ST8SIA6: variants seen among roughly 807,000 people sequenced by gnomAD.
ST8SIA6 encodes the protein alpha-2,8-sialyltransferase 8F.
Under a neutral mutation model 33.6 loss-of-function variants are expected in ST8SIA6, and 39 were observed. That is an observed-to-expected ratio of 1.16 (90% CI 0.90 to 1.52). ST8SIA6 has a LOEUF of 1.52. Among genes scored for constraint, ST8SIA6 ranks in the 40% most tolerant of loss-of-function variants. ST8SIA6 has a pLI of 0.00. For missense variants in ST8SIA6, 441 were observed against 443.8 expected (o/e 0.99, Z 0.06); for synonymous variants, 172 against 167.2 (o/e 1.03, Z -0.22).
At chr10:17,405,081 G>A (rs2131684843) in intron 2 of ST8SIA6, among the ~76,000 whole-genome samples, 1 of 152,302 alleles carries the variant, frequency 6.6e-6, no homozygotes, top group South Asian at 2.1e-4. Flanking sequence ...CTATTCTGTG[G>A]ATTCTCCTTT....
intron 2 of ST8SIA6, among the ~76,000 whole-genome samples, chr10:17,411,924 T>C (rs1225708877): frequency 1.5e-5 from 1 of 68,588 alleles, no homozygotes; most frequent in East Asian, 1.6e-3. Context: ...TAAGGAATGT[T>C]TTTTTTTTTC....
chr10:17,387,559 G>A (rs995186583), intron 3 of ST8SIA6, among the ~76,000 whole-genome samples: 2 of 151,750 alleles, frequency 1.3e-5, no homozygotes, highest in Admixed American at 6.6e-5. Context: ...GAGCCACCGC[G>A]CCGGGCCCAG....
At chr10:17,346,942 A>C (rs2131603396) in intron 4 of ST8SIA6, among the ~76,000 whole-genome samples, 1 of 152,308 alleles carries the variant, frequency 6.6e-6, no homozygotes, top group East Asian at 1.9e-4. Flanking sequence ...CACATCTAAA[A>C]TCTGTAGGGT....
intron 2 of ST8SIA6, among the ~76,000 whole-genome samples, chr10:17,447,107 G>A (rs959775196): frequency 6.6e-6 from 1 of 151,408 alleles, no homozygotes; most frequent in African/African-American, 2.4e-5. Context: ...AATAAGAATT[G>A]TGGCCGGGAG....
chr10:17,347,966 A>AAG (rs1472493353), intron 4 of ST8SIA6, among the ~76,000 whole-genome samples: 2 of 151,378 alleles, frequency 1.3e-5, no homozygotes, highest in Admixed American at 6.6e-5. Flanking sequence ...AAAAAAAAAA[A>AAG]AAAAAAAAAT....
chr10:17,432,348 C>T (rs1852126791), intron 2 of ST8SIA6, among the ~76,000 whole-genome samples: 1 of 152,106 alleles, frequency 6.6e-6, no homozygotes, highest in African/African-American at 2.4e-5. Context: ...AGAATAGATT[C>T]TGGAAGGGGA....
intron 3 of ST8SIA6, among the ~76,000 whole-genome samples, chr10:17,360,972 G>T (rs1305278154): frequency 3.3e-5 from 5 of 151,700 alleles, no homozygotes; most frequent in Non-Finnish European, 7.4e-5. Context: ...AGGAGAAGAA[G>T]AAGGAGAAGA....
At chr10:17,333,723 T>A (rs1271403424) in intron 4 of ST8SIA6, among the ~76,000 whole-genome samples, 109 of 79,096 alleles carry the variant, frequency 1.4e-3, no homozygotes, top group South Asian at 2.1e-3. Context: ...ATATATTTTT[T>A]TTTTTTTTTT....
chr10:17,343,994 C>T (rs954410176), intron 4 of ST8SIA6, among the ~76,000 whole-genome samples: 4 of 152,070 alleles, frequency 2.6e-5, no homozygotes, highest in African/African-American at 9.6e-5. Flanking sequence ...TGTTGTTGTC[C>T]CCATTTTTCA....
Position 17,397,549 on chromosome 10 carries a change from G to T in ST8SIA6, c.201-6929C>A, listed in dbSNP as rs748479266. ...CGCGCCTGGCCTCCTGTGCACATTTGATCACATCATTTCCCTGCTCAAAGA... is the reference window on the plus strand; with the variant it reads ...CGCGCCTGGCCTCCTGTGCACATTTTATCACATCATTTCCCTGCTCAAAGA... On this transcript the variant is annotated intron_variant, in intron 2 of 7. Transcript: ENST00000377602. 5.3e-5 allele frequency among the ~76,000 whole-genome samples: 8 copies of T among 152,142 alleles called. No homozygotes were observed. The South Asian group carries it at 6.2e-4, about 12-fold the overall frequency.
At position 17,418,503 on chromosome 10, in the gene ST8SIA6, C is replaced by CT. The variant is rs562920266; in HGVS notation, c.201-27884dup. Among the ~76,000 whole-genome samples the CT allele has an allele frequency of 5.6e-3, 852 of 152,250 alleles. 6 individuals carry two copies. Among genetic ancestry groups the CT allele is most frequent in the Non-Finnish European group, 7.1e-3 (483 of 68,024 alleles). ...ACATACATATGAGAAAACTGAAGCT[C>CT]TGAGTGTTCATAGGACATGACCACT... is the stretch of plus-strand genomic sequence containing the variant. On this transcript the variant is annotated intron_variant, in intron 2 of 7. Coordinates refer to ENST00000377602, the MANE Select transcript of ST8SIA6 (RefSeq NM_001004470.3).
At chr10:17,410,228 G>T (rs1054089713) in intron 2 of ST8SIA6, 14 of 152,128 alleles carry the variant, frequency 9.2e-5, no homozygotes, top group Non-Finnish European at 2.9e-5. Context: ...CCAAACATTT[G>T]CATGCACCTT....
intron 4 of ST8SIA6, among the ~76,000 whole-genome samples, chr10:17,349,702 T>C (rs1467658305): frequency 6.6e-6 from 1 of 151,956 alleles, no homozygotes; most frequent in Non-Finnish European, 1.5e-5. Flanking sequence ...AATGAAAGAT[T>C]AGGGATAACA....
At chr10:17,349,077 C>T (rs767322997) in intron 4 of ST8SIA6, among the ~76,000 whole-genome samples, 11 of 152,102 alleles carry the variant, frequency 7.2e-5, no homozygotes, top group Non-Finnish European at 1.3e-4. Context: ...TCCTTTTCTA[C>T]GGAAAATAAT....
Position 17,359,620 on chromosome 10 carries a change from A to G in ST8SIA6, c.291-20T>C, listed in dbSNP as rs373043807. On this transcript the variant is annotated intron_variant, in intron 3 of 7. Coordinates refer to ENST00000377602, the MANE Select transcript of ST8SIA6 (RefSeq NM_001004470.3). ...GAATACCTAAAAATTAAATGTCAAT[A>G]TAATTAGAAAATAATGATCTCATAT... 2.7e-6 allele frequency: 4 copies of G among 1,465,304 alleles called. No individual in the cohort carries two copies. In the African/African-American group the frequency reaches 5.6e-5, roughly 21 times the overall value. 90.8% of individuals were successfully genotyped at this position (1,465,304 alleles called of 1,614,324 possible).
intron 2 of ST8SIA6, among the ~76,000 whole-genome samples, chr10:17,391,653 T>G (rs1850618019): frequency 6.6e-6 from 1 of 152,216 alleles, no homozygotes; most frequent in Non-Finnish European, 1.5e-5. Flanking sequence ...AATCTGGCCT[T>G]TGATTATTCT....
chr10:17,355,869 A>C (rs778860267), intron 4 of ST8SIA6, among the ~76,000 whole-genome samples: 1 of 152,184 alleles, frequency 6.6e-6, no homozygotes, highest in Non-Finnish European at 1.5e-5. Flanking sequence ...GCTCCAGCCC[A>C]GCTGGCCTTG....
chr10:17,331,553 C>T lies in ST8SIA6; in HGVS notation c.378-1G>A. ...ATCACAGCAGGAAGCAAGTTTGGCTCTGCAAAGGAAAAGGATGAAAAGGAA... is the reference window on the plus strand; with the variant it reads ...ATCACAGCAGGAAGCAAGTTTGGCTTTGCAAAGGAAAAGGATGAAAAGGAA... On this transcript the variant is annotated splice_acceptor_variant, in intron 4 of 7. Coordinates refer to ENST00000377602, the MANE Select transcript of ST8SIA6 (RefSeq NM_001004470.3). LOFTEE classifies it high-confidence loss of function. The T allele has an allele frequency of 6.2e-7, 1 of 1,601,666 alleles. No homozygotes were observed. Among genetic ancestry groups the T allele is most frequent in the Non-Finnish European group, 8.5e-7 (1 of 1,176,084 alleles).
At chr10:17,382,253 A>AT (rs1850176671) in intron 3 of ST8SIA6, among the ~76,000 whole-genome samples, 4 of 132,598 alleles carry the variant, frequency 3.0e-5, no homozygotes, top group Admixed American at 8.0e-5. Context: ...TTTCAGTGAT[A>AT]ATTTTTTTTT....
Sources: allele counts gnomAD v4.1 joint callset (sites outside exome capture counted in the v4.1 genomes callset), GRCh38; gene constraint gnomAD v4.1.1; transcripts MANE v1.5; gene names NCBI Gene and HGNC (gene_info 2026-07-23, HGNC 2026-07-21).